Variants in DNAH14 observed in about 807,000 individuals in gnomAD.
The protein encoded by DNAH14 is axonemal beta dynein heavy chain 14.
In DNAH14, 478 loss-of-function variants were observed where a neutral mutation model predicts 520.9. That is an observed-to-expected ratio of 0.92 (90% CI 0.85 to 0.99). The LOEUF (loss-of-function observed/expected upper bound fraction) is 0.99. DNAH14 is among the 50% of genes least tolerant of loss of function. The pLI is 0.00. For synonymous variants in DNAH14, 1,581 were observed against 1,757.2 expected (o/e 0.90, Z 2.51); for missense variants, 4,831 against 5,234.5 (o/e 0.92, Z 2.38).
At chr1:225,339,899 C>G (rs1170524911) in intron 68 of DNAH14, among the ~76,000 whole-genome samples, 1 of 152,214 alleles carries the variant, frequency 6.6e-6, no homozygotes, top group African/African-American at 2.4e-5. Context: ...AGTCTGCCAG[C>G]TTCCCTCTTC....
chr1:225,060,396 A>C (rs2069868007), intron 17 of DNAH14, among the ~76,000 whole-genome samples: 1 of 151,916 alleles, frequency 6.6e-6, no homozygotes, highest in South Asian at 2.1e-4. Flanking sequence ...TGCATTGGTT[A>C]TTCTAGTTAG....
intron 71 of DNAH14, among the ~76,000 whole-genome samples, chr1:225,349,966 G>A (rs898354227): frequency 3.9e-5 from 6 of 152,124 alleles, no homozygotes; most frequent in Non-Finnish European, 7.4e-5. Flanking sequence ...GACATACACA[G>A]AACTGTCTTC....
At chr1:225,150,274 T>C (rs878981087) in intron 31 of DNAH14, among the ~76,000 whole-genome samples, 1 of 152,208 alleles carries the variant, frequency 6.6e-6, no homozygotes, top group African/African-American at 2.4e-5. Flanking sequence ...AGGTTTTTGA[T>C]GTGCTGCTAG....
intron 34 of DNAH14, among the ~76,000 whole-genome samples, chr1:225,154,034 T>C (rs1408658563): frequency 7.2e-5 from 11 of 151,878 alleles, no homozygotes; most frequent in Admixed American, 3.3e-4. Flanking sequence ...GAGAGCCTAT[T>C]CTTTAAAAAA....
At chr1:225,269,015 T>G (rs1333161104) in intron 49 of DNAH14, among the ~76,000 whole-genome samples, 1 of 152,094 alleles carries the variant, frequency 6.6e-6, no homozygotes, top group Non-Finnish European at 1.5e-5. Context: ...GAGCCTGCAT[T>G]GCCAAGACAA....
intron 55 of DNAH14, among the ~76,000 whole-genome samples, chr1:225,290,432 C>A (rs1467765702): frequency 6.6e-6 from 1 of 151,354 alleles, no homozygotes; most frequent in African/African-American, 2.4e-5. Flanking sequence ...TTTAAAAACC[C>A]TTTCATCTAT....
chr1:225,308,915 A>T (rs909023059), intron 60 of DNAH14, among the ~76,000 whole-genome samples: 9 of 152,264 alleles, frequency 5.9e-5, no homozygotes, highest in Admixed American at 2.0e-4. Flanking sequence ...ATTCCTGCTC[A>T]GAGCAAGTCA....
At chr1:225,051,206 A>T (rs989460923) in intron 16 of DNAH14, among the ~76,000 whole-genome samples, 1 of 152,196 alleles carries the variant, frequency 6.6e-6, no homozygotes. Context: ...CATGGCTCAA[A>T]ATAACATGTT....
At chr1:225,265,765 AAGACAC>A (rs2093090790) in intron 48 of DNAH14, among the ~76,000 whole-genome samples, 1 of 152,110 alleles carries the variant, frequency 6.6e-6, no homozygotes, top group South Asian at 2.1e-4. Context: ...ATTTTAAATG[AAGACAC>A]AGATAAACTT....
intron 60 of DNAH14, among the ~76,000 whole-genome samples, chr1:225,313,063 A>T (rs1325221532): frequency 6.6e-6 from 1 of 152,166 alleles, no homozygotes; most frequent in African/African-American, 2.4e-5. Flanking sequence ...CTGTTAATCC[A>T]TCTGGTCCTG....
intron 41 of DNAH14, among the ~76,000 whole-genome samples, chr1:225,214,861 C>G (rs1054778186): frequency 6.6e-6 from 1 of 152,072 alleles, no homozygotes; most frequent in Admixed American, 6.6e-5. Context: ...AAAACCAGCT[C>G]CTGGATTCAT....
chr1:225,002,974 T>C (rs556031376), intron 9 of DNAH14, 47 bp downstream of exon 9: 1 of 1,380,324 alleles, frequency 7.2e-7, no homozygotes, highest in East Asian at 2.7e-5. Context: ...ATATAGAAAC[T>C]AGGAAGAAAA....
At chr1:225,031,476 A>T (rs1219213761) in intron 11 of DNAH14, among the ~76,000 whole-genome samples, 1 of 127,676 alleles carries the variant, frequency 7.8e-6, no homozygotes, top group Non-Finnish European at 1.8e-5. Flanking sequence ...AAAACGTAAA[A>T]TATTTCCTGT....
chr1:225,100,670 T>C, intron 22 of DNAH14, 43 bp from the exon 23 acceptor site: 1 of 1,400,676 alleles, frequency 7.1e-7, no homozygotes, highest in Non-Finnish European at 9.4e-7. Flanking sequence ...TTAATCATAG[T>C]GCCTTAAAAA....
chr1:225,179,074 C>G (rs1180149347), intron 36 of DNAH14, among the ~76,000 whole-genome samples: 8 of 152,202 alleles, frequency 5.3e-5, no homozygotes, highest in African/African-American at 9.6e-5. Flanking sequence ...AATTAAACCT[C>G]TTCCTTTTGT....
At chr1:225,047,415 T>C (rs973520768) in intron 15 of DNAH14, among the ~76,000 whole-genome samples, 31 of 152,160 alleles carry the variant, frequency 2.0e-4, no homozygotes, top group African/African-American at 7.2e-4. Flanking sequence ...ATACCATACT[T>C]TTGCTGTATC....
intron 9 of DNAH14, among the ~76,000 whole-genome samples, chr1:225,005,636 A>G (rs1982707): frequency 0.055 from 8,377 of 152,258 alleles, 471 homozygotes; most frequent in East Asian, 0.23. Flanking sequence ...ATTTTAAGCA[A>G]GAGCAGTACT....
chr1:225,184,198 A>C (rs775662280), intron 36 of DNAH14, among the ~76,000 whole-genome samples: 14 of 152,234 alleles, frequency 9.2e-5, no homozygotes, highest in Non-Finnish European at 1.8e-4. Context: ...AATACTAGCA[A>C]ACTAAATCCA....
intron 8 of DNAH14, among the ~76,000 whole-genome samples, chr1:224,994,988 G>A (rs898985917): frequency 6.6e-6 from 1 of 152,030 alleles, no homozygotes; most frequent in Non-Finnish European, 1.5e-5. Flanking sequence ...GCCAGAATTT[G>A]CGTCATTTCG....
Sources: allele counts gnomAD v4.1 joint callset (sites outside exome capture counted in the v4.1 genomes callset), GRCh38; gene constraint gnomAD v4.1.1; transcripts MANE v1.5; gene names NCBI Gene and HGNC (gene_info 2026-07-23, HGNC 2026-07-21).